Variants in FRMPD4 observed in about 807,000 individuals in gnomAD.
FRMPD4 encodes FERM and PDZ domain containing 4, also known as FERM and PDZ domain-containing protein 4.
A neutral mutation model predicts 94.1 loss-of-function variants in FRMPD4; 22 were observed. The observed-to-expected ratio is 0.23, with a 90% CI of 0.17 to 0.33. The LOEUF is 0.33. Ranked by LOEUF, FRMPD4 falls within the 10% of genes least tolerant of loss-of-function variation. The pLI, the probability that FRMPD4 is intolerant of heterozygous loss-of-function variation, is 1.00. For synonymous variants in FRMPD4, 631 were observed against 548.6 expected, an observed-to-expected ratio of 1.15 and a Z score of -2.10; for missense variants, 1,111 against 1,339.9, an observed-to-expected ratio of 0.83 and a Z score of 2.67.
At chrX:12,083,852 C>T in intron 3 of FRMPD4, among the ~76,000 whole-genome samples, 1 of 112,022 alleles carries the variant, frequency 8.9e-6, no homozygotes, top group Non-Finnish European at 1.9e-5. Flanking sequence ...GCGAATTTCT[C>T]CCATTTGGAA....
In FRMPD4 at chrX:12,293,024, A is replaced by G. The variant is rs184738419; in HGVS notation, c.41+154012A>G. Reference sequence around the variant, plus strand: ...GTAACTGTGACTGCATTTTTTTTCTATTCATCACCTATCAGGTTGTTAATG... The same window carrying G: ...GTAACTGTGACTGCATTTTTTTTCTGTTCATCACCTATCAGGTTGTTAATG... On this transcript the variant is annotated intron_variant, in intron 1 of 16. Coordinates refer to ENST00000675598, the MANE Select transcript of FRMPD4 (RefSeq NM_001368397.1). 5.7e-5 allele frequency among the ~76,000 whole-genome samples: 6 copies of G among 105,497 alleles called. No individual in the cohort carries two copies. The East Asian group carries it at 1.8e-3, about 31-fold the overall frequency. The allele number at this position is 105,497 out of a possible 115,157, so 91.6% of individuals were successfully genotyped here.
intron 1 of FRMPD4, among the ~76,000 whole-genome samples, chrX:12,336,710 T>C (rs949688281): frequency 9.0e-6 from 1 of 111,580 alleles, no homozygotes; most frequent in African/African-American, 3.3e-5. Context: ...AAACTAACTA[T>C]GTTTTTGATG....
intron 3 of FRMPD4, among the ~76,000 whole-genome samples, chrX:12,081,504 T>C (rs899331945): frequency 9.0e-6 from 1 of 111,465 alleles, no homozygotes; most frequent in Non-Finnish European, 1.9e-5. Flanking sequence ...ACATACTCTA[T>C]GTACTTAACA....
intron 4 of FRMPD4, among the ~76,000 whole-genome samples, chrX:12,628,776 G>A (rs1374313313): frequency 8.9e-6 from 1 of 112,470 alleles, no homozygotes; most frequent in African/African-American, 3.2e-5. Context: ...TTCTGGGGAG[G>A]ACTAAGCTTT....
intron 2 of FRMPD4, among the ~76,000 whole-genome samples, chrX:12,604,609 G>A (rs746708107): frequency 5.4e-5 from 6 of 111,839 alleles, no homozygotes; most frequent in African/African-American, 1.3e-4. Context: ...TGTCTGAAAC[G>A]GACTCCTTTC....
intron 1 of FRMPD4, among the ~76,000 whole-genome samples, chrX:12,454,819 T>TG (rs2057315114): frequency 9.4e-6 from 1 of 106,768 alleles, no homozygotes; most frequent in Non-Finnish European, 1.9e-5. Context: ...AGCCACGTTT[T>TG]TTTTTTTTTT....
At chrX:12,198,395 G>C (rs1569188435) in intron 1 of FRMPD4, among the ~76,000 whole-genome samples, 1 of 111,560 alleles carries the variant, frequency 9.0e-6, no homozygotes, top group Non-Finnish European at 1.9e-5. Flanking sequence ...GACTCGCCTT[G>C]GTGTCTTGTT....
chrX:12,359,016 A>G (rs1427203659), intron 1 of FRMPD4, among the ~76,000 whole-genome samples: 1 of 112,074 alleles, frequency 8.9e-6, no homozygotes, highest in Non-Finnish European at 1.9e-5. Context: ...TATATATTTA[A>G]ACAAGGGTAC....
At position 12,724,325 on chromosome X, in the gene FRMPD4, A is replaced by C. The variant is rs1283856237; in HGVS notation, c.*2467A>C. The C allele has an allele frequency of 1.8e-5, 2 of 111,451 alleles. No individual in the cohort carries two copies. The highest frequency in any genetic ancestry group is 3.8e-5 in the Non-Finnish European group (2 of 53,042). 9.2% of individuals were successfully genotyped at this position (111,451 alleles called of 1,213,427 possible). A position where few individuals can be genotyped will look rare whatever the true frequency, so the allele number is the denominator to read the frequency against. On this transcript the variant is annotated 3_prime_UTR_variant, in exon 17 of 17. Transcript: ENST00000675598. ...AACTCTTTGCTATTCAGAAAACCTC[A>C]AGGGGCCCCCACATTCACTAAGCAT...
chrX:11,917,746 G>A (rs1346946267), intron 3 of FRMPD4, among the ~76,000 whole-genome samples: 3 of 111,060 alleles, frequency 2.7e-5, no homozygotes, highest in African/African-American at 9.8e-5. Context: ...GAGGGAGGAA[G>A]GGAGGGAGGA....
intron 1 of FRMPD4, among the ~76,000 whole-genome samples, chrX:12,168,816 G>T (rs5978491): frequency 9.1e-6 from 1 of 109,417 alleles, no homozygotes; most frequent in African/African-American, 3.4e-5. Context: ...TAGTAGAGAC[G>T]GGGTTTCACC....
At chrX:12,692,065 T>C (rs2060085512) in intron 8 of FRMPD4, among the ~76,000 whole-genome samples, 1 of 112,252 alleles carries the variant, frequency 8.9e-6, no homozygotes, top group Admixed American at 9.4e-5. Flanking sequence ...TGGTTATACT[T>C]TCTCTCTAAA....
At chrX:12,540,098 G>A (rs1274887481) in intron 2 of FRMPD4, among the ~76,000 whole-genome samples, 4 of 111,995 alleles carry the variant, frequency 3.6e-5, no homozygotes, top group African/African-American at 6.5e-5. Context: ...AGCACTAAAC[G>A]TGGAAAGGAA....
At chrX:11,915,987 A>G (rs757801710) in intron 3 of FRMPD4, among the ~76,000 whole-genome samples, 1 of 112,518 alleles carries the variant, frequency 8.9e-6, no homozygotes, top group Non-Finnish European at 1.9e-5. Context: ...GACATTTCAC[A>G]GAACATTTTG....
chrX:12,521,311 A>G, intron 2 of FRMPD4, among the ~76,000 whole-genome samples: 1 of 111,555 alleles, frequency 9.0e-6, no homozygotes, highest in Admixed American at 9.6e-5. Flanking sequence ...TGCAATACCT[A>G]TAATGAGACC....
intron 4 of FRMPD4, among the ~76,000 whole-genome samples, chrX:12,671,704 T>C (rs186071573): frequency 4.6e-4 from 51 of 110,459 alleles, no homozygotes; most frequent in African/African-American, 1.5e-3. Context: ...CTGCATGTTC[T>C]GCACATATAC....
At chrX:11,899,798 A>G (rs1162901216) in intron 3 of FRMPD4, among the ~76,000 whole-genome samples, 2 of 112,619 alleles carry the variant, frequency 1.8e-5, no homozygotes, top group African/African-American at 6.5e-5. Context: ...TCTGAATGTA[A>G]TACAAAATAC....
intron 1 of FRMPD4, among the ~76,000 whole-genome samples, chrX:12,484,524 T>C (rs904718423): frequency 1.8e-5 from 2 of 112,306 alleles, no homozygotes; most frequent in Non-Finnish European, 3.8e-5. Flanking sequence ...AGAGACACTT[T>C]TGTTTTGCTG....
intron 1 of FRMPD4, among the ~76,000 whole-genome samples, chrX:12,157,688 GCTGTT>G (rs1247846363): frequency 3.6e-5 from 4 of 111,965 alleles, no homozygotes; most frequent in Non-Finnish European, 7.5e-5. Flanking sequence ...ACTTGTACAT[GCTGTT>G]TTATTTTTTC....
Sources: gnomAD v4.1 joint callset for allele counts (sites outside exome capture counted in the v4.1 genomes callset) on GRCh38, gnomAD v4.1.1 for gene constraint, MANE v1.5 for transcripts, NCBI Gene and HGNC (gene_info 2026-07-23, HGNC 2026-07-21) for gene names.